Variants in LRRC58 observed in about 807,000 individuals in gnomAD.
LRRC58 encodes leucine-rich repeat-containing protein 58.
In LRRC58, 18 loss-of-function variants were observed where a neutral mutation model predicts 30.6. That is an observed-to-expected ratio of 0.59 (90% CI 0.41 to 0.87). The LOEUF is 0.87. Among genes scored for constraint, LRRC58 ranks in the 40% least tolerant of loss-of-function variants. The pLI is 0.00. For missense variants in LRRC58, 420 were observed against 468.4 expected (o/e 0.90, Z 0.95); for synonymous variants, 221 against 206.0 (o/e 1.07, Z -0.62).
rs1432990186 is a variant in LRRC58, at chr3:120,328,473, C to T, written c.*2727G>A. ...CCATAGTTTTGGTCACTAAAATCGT[C>T]CAAGTAGAGCAATATCAAAAACTTA... On this transcript the variant is annotated 3_prime_UTR_variant, in exon 4 of 4. Transcript: ENST00000295628. 1 of 152,120 alleles carries T rather than the reference C, an allele frequency of 6.6e-6. No homozygotes were observed. The highest frequency in any genetic ancestry group is 6.5e-5 in the Admixed American group (1 of 15,270). The allele number at this position is 152,120 out of a possible 1,614,324, so 9.4% of individuals were successfully genotyped here. A position where few individuals can be genotyped will look rare whatever the true frequency, so the allele number is the denominator to read the frequency against.
chr3:120,346,064 C>A (rs1271875679), intron 1 of LRRC58, among the ~76,000 whole-genome samples: 1 of 152,100 alleles, frequency 6.6e-6, no homozygotes, highest in Admixed American at 6.6e-5. Flanking sequence ...ACCAGCCTGG[C>A]CTGGCCAACA....
At chr3:120,333,091 C>CAAAA (rs60534761) in intron 3 of LRRC58, among the ~76,000 whole-genome samples, 1 of 84,380 alleles carries the variant, frequency 1.2e-5, no homozygotes, top group African/African-American at 3.9e-5. Context: ...GACTCCGTCT[C>CAAAA]AAAAAAAAAA....
chr3:120,336,979 C>T (rs1935844272), intron 1 of LRRC58, among the ~76,000 whole-genome samples: 1 of 151,766 alleles, frequency 6.6e-6, no homozygotes, highest in Non-Finnish European at 1.5e-5. Flanking sequence ...CTCAGTAGAA[C>T]TACTGTTTTT....
rs1198210109 is a variant in LRRC58, at chr3:120,348,887, G to A, written c.357C>T (p.Cys119=). The A allele has an allele frequency of 1.3e-6, 2 of 1,585,848 alleles. No homozygotes were observed. Among genetic ancestry groups the A allele is most frequent in the African/African-American group, 1.3e-5 (1 of 74,402 alleles). The change falls in exon 1 of 4, where the codon TGC becomes TGT. Residue 119 remains cysteine, a synonymous_variant. Transcript: ENST00000295628. ...TGAGGTTGAGCACCTGGAGGCTGCG[G>A]CAGAGCGGCGACTGGGCCAGGCCCT... ...LPKGLAQSPL[C]RSLQVLNLSG... is the part of the protein sequence containing the mutation.
intron 3 of LRRC58, among the ~76,000 whole-genome samples, chr3:120,333,162 C>T (rs1174644460): frequency 1.3e-5 from 2 of 151,316 alleles, no homozygotes; most frequent in Non-Finnish European, 1.5e-5. Flanking sequence ...GAATTACAGA[C>T]AGGCATGAGC....
At chr3:120,335,241 G>T in intron 2 of LRRC58, 102 bp from the exon 3 acceptor site, 1 of 975,330 alleles carries the variant, frequency 1.0e-6, no homozygotes, top group Non-Finnish European at 1.5e-6. Context: ...CCTTAAGAAT[G>T]AGCAATTAAG....
intron 1 of LRRC58, among the ~76,000 whole-genome samples, chr3:120,345,838 G>A (rs1055550808): frequency 1.3e-5 from 2 of 152,176 alleles, no homozygotes; most frequent in African/African-American, 4.8e-5. Context: ...TGGTGTCAAA[G>A]ACACAATGAA....
At chr3:120,344,924 T>C (rs1188027713) in intron 1 of LRRC58, among the ~76,000 whole-genome samples, 2 of 152,212 alleles carry the variant, frequency 1.3e-5, no homozygotes, top group African/African-American at 2.4e-5. Context: ...GCCCATATAC[T>C]ATAGCCAAAC....
Position 120,335,813 on chromosome 3 carries a change from G to C in LRRC58, c.629+12C>G. 2.5e-6 allele frequency: 4 copies of C among 1,606,240 alleles called. No homozygotes were observed. The highest frequency in any genetic ancestry group is 3.4e-6 in the Non-Finnish European group (4 of 1,174,390). On this transcript the variant is annotated intron_variant, in intron 2 of 3. Coordinates refer to ENST00000295628, the MANE Select transcript of LRRC58 (RefSeq NM_001099678.2). ...GATGTCTGCGTATATACAAATGCCT[G>C]GAACTACTCACTGTGAAAGTTGAGG... is the stretch of plus-strand genomic sequence containing the variant.
chr3:120,336,628 T>C (rs1471113634), intron 1 of LRRC58, among the ~76,000 whole-genome samples: 1 of 152,044 alleles, frequency 6.6e-6, no homozygotes, highest in Non-Finnish European at 1.5e-5. Context: ...GCAAATACAT[T>C]CTTCAGAGGC....
intron 1 of LRRC58, among the ~76,000 whole-genome samples, chr3:120,340,757 C>T (rs1273602316): frequency 3.3e-5 from 5 of 151,888 alleles, no homozygotes; most frequent in Non-Finnish European, 7.4e-5. Context: ...ATTAGCCAGG[C>T]GAGGTGGCAG....
At position 120,329,076 on chromosome 3, in the gene LRRC58, GACTA is replaced by G. The variant is rs1294679635; in HGVS notation, c.*2120_*2123del. The G allele has an allele frequency of 6.6e-6, 1 of 152,070 alleles. No homozygotes were observed. The highest frequency in any genetic ancestry group is 1.5e-5 in the Non-Finnish European group (1 of 67,978). 9.4% of individuals were successfully genotyped at this position (152,070 alleles called of 1,614,324 possible). On this transcript the variant is annotated 3_prime_UTR_variant, in exon 4 of 4. Coordinates refer to ENST00000295628, the MANE Select transcript of LRRC58 (RefSeq NM_001099678.2). ...CATACCTATCCATTTATTTTACGAAGACTAACTCTTAGAAGACTACTCAAGCAGT... is the reference window on the plus strand; with the variant it reads ...CATACCTATCCATTTATTTTACGAAGACTCTTAGAAGACTACTCAAGCAGT...
chr3:120,337,770 C>G (rs1935853514), intron 1 of LRRC58, among the ~76,000 whole-genome samples: 1 of 152,080 alleles, frequency 6.6e-6, no homozygotes, highest in Admixed American at 6.5e-5. Flanking sequence ...AGTTATACTA[C>G]AGATACATTC....
Position 120,327,332 on chromosome 3 carries a change from A to G in LRRC58, c.*3868T>C, listed in dbSNP as rs1935693494. The G allele has an allele frequency of 6.9e-6, 1 of 144,168 alleles. No homozygotes were observed. The highest frequency in any genetic ancestry group is 2.2e-4 in the South Asian group (1 of 4,594). 8.9% of individuals were successfully genotyped at this position (144,168 alleles called of 1,614,324 possible). Reference sequence around the variant, plus strand: ...AGTGGCGCAATCTCGGCTCACTGCAAGCTCCGCCTCCCGGGTTCACGCCAT... The same window carrying G: ...AGTGGCGCAATCTCGGCTCACTGCAGGCTCCGCCTCCCGGGTTCACGCCAT... On this transcript the variant is annotated 3_prime_UTR_variant, in exon 4 of 4. Coordinates refer to ENST00000295628, the MANE Select transcript of LRRC58 (RefSeq NM_001099678.2).
chr3:120,331,242 A>C lies in LRRC58; in HGVS notation c.1074T>G (p.Ala358=). The change falls in exon 4 of 4, where the codon GCT becomes GCG. Residue 358 remains alanine, a synonymous_variant. Transcript: ENST00000295628. ...TCTGCATTCTGCGTGCAGCAACACT[A>C]GCTTCATCTTCTGAGTCAGATTCAC... ...SQSESDSEDE[A]SVAARRMQKV... The C allele has an allele frequency of 1.2e-6, 2 of 1,613,962 alleles. No individual in the cohort carries two copies. Among genetic ancestry groups the C allele is most frequent in the Non-Finnish European group, 1.7e-6 (2 of 1,179,868 alleles).
intron 3 of LRRC58, among the ~76,000 whole-genome samples, 158 bp downstream of exon 3, chr3:120,334,704 A>G (rs1309311317): frequency 1.3e-5 from 2 of 152,158 alleles, no homozygotes; most frequent in African/African-American, 4.8e-5. Flanking sequence ...ATATTATGAA[A>G]AAGAATTTTT....
In LRRC58 at chr3:120,329,038, G is replaced by C. The variant is rs1246665995; in HGVS notation, c.*2162C>G. The C allele has an allele frequency of 6.6e-6, 1 of 152,106 alleles. No homozygotes were observed. The highest frequency in any genetic ancestry group is 1.5e-5 in the Non-Finnish European group (1 of 68,004). The allele number at this position is 152,106 out of a possible 1,614,324, so 9.4% of individuals were successfully genotyped here. On this transcript the variant is annotated 3_prime_UTR_variant, in exon 4 of 4. Transcript: ENST00000295628. The stretch of plus-strand genomic sequence containing the variant: ...CTAGGAAGCTGGAAAGGGTATGTAA[G>C]ATTATATATTTACATACCTATCCAT...
At chr3:120,339,153 TC>T (rs922878998) in intron 1 of LRRC58, among the ~76,000 whole-genome samples, 37 of 152,324 alleles carry the variant, frequency 2.4e-4, no homozygotes, top group African/African-American at 8.9e-4. Flanking sequence ...CTTATTGTGC[TC>T]CTCAAGTTTA....
At position 120,349,312 on chromosome 3, in the gene LRRC58, T is replaced by C. The variant is rs1936025145; in HGVS notation, c.-69A>G. 7.6e-7 allele frequency: 1 copy of C among 1,318,256 alleles called. No individual in the cohort carries two copies. The highest frequency in any genetic ancestry group is 9.7e-7 in the Non-Finnish European group (1 of 1,035,142). 81.7% of individuals were successfully genotyped at this position (1,318,256 alleles called of 1,614,324 possible). ...CGCGCGCGGTCCAGAGGCCGGGAGC[T>C]CTGCGGCGCCCCGGAACCTGAACCG... On this transcript the variant is annotated 5_prime_UTR_variant, in exon 1 of 4. Transcript: ENST00000295628.
Sources: allele counts gnomAD v4.1 joint callset (sites outside exome capture counted in the v4.1 genomes callset), GRCh38; gene constraint gnomAD v4.1.1; transcripts MANE v1.5; gene names NCBI Gene and HGNC (gene_info 2026-07-23, HGNC 2026-07-21).